The following TMEM132D variants were observed in gnomAD, a reference collection of about 807,000 sequenced individuals.
TMEM132D encodes the protein mature OL transmembrane protein.
TMEM132D carries 21 observed loss-of-function variants against 62.3 expected under a neutral mutation model. That is an observed-to-expected ratio of 0.34 (90% CI 0.24 to 0.49). The LOEUF (loss-of-function observed/expected upper bound fraction) is 0.49, where lower values mean the gene tolerates loss of function less well. Among genes scored for constraint, TMEM132D ranks in the 20% least tolerant of loss-of-function variants. TMEM132D has a pLI of 0.99. For missense variants in TMEM132D, 1,346 were observed against 1,402.8 expected (o/e 0.96, Z 0.65); for synonymous variants, 621 against 575.6 (o/e 1.08, Z -1.13).
intron 5 of TMEM132D, among the ~76,000 whole-genome samples, chr12:129,190,586 G>A (rs1205580891): frequency 2.0e-5 from 3 of 146,656 alleles, no homozygotes; most frequent in Non-Finnish European, 3.0e-5. Flanking sequence ...GGAGGGAGGG[G>A]GTCTGGGGCC....
chr12:129,577,000 A>G (rs966174238), intron 2 of TMEM132D, among the ~76,000 whole-genome samples: 1 of 151,826 alleles, frequency 6.6e-6, no homozygotes, highest in Non-Finnish European at 1.5e-5. Context: ...GCACATCCCA[A>G]GCAGTTCACC....
rs1881340916 is a variant in TMEM132D, at chr12:129,700,019, G to A, written c.759C>T (p.Gly253=). Reference sequence around the variant, plus strand: ...GCCCGGACTCATCGATGTCACTGTGGCCTGTCCGGATCCCATTGCTTCTCC... The same window carrying A: ...GCCCGGACTCATCGATGTCACTGTGACCTGTCCGGATCCCATTGCTTCTCC... ...DARRSNGIRT[G]HSDIDESGPP... is the part of the protein sequence containing the mutation. The change falls in exon 2 of 9, where the codon GGC becomes GGT. Residue 253 remains glycine, a synonymous_variant. Transcript: ENST00000422113. 2 of 1,613,992 alleles carry A rather than the reference G, an allele frequency of 1.2e-6. No individual in the cohort carries two copies.
At chr12:129,885,214 G>A (rs1218902965) in intron 1 of TMEM132D, among the ~76,000 whole-genome samples, 1 of 152,194 alleles carries the variant, frequency 6.6e-6, no homozygotes, top group Non-Finnish European at 1.5e-5. Context: ...CAGACCATAT[G>A]TATTTCTCAA....
At chr12:129,130,914 T>C (rs895492539) in intron 5 of TMEM132D, among the ~76,000 whole-genome samples, 4 of 152,206 alleles carry the variant, frequency 2.6e-5, no homozygotes, top group Non-Finnish European at 5.9e-5. Flanking sequence ...TGGGATTGTC[T>C]GGGGAGCTTT....
chr12:129,669,164 T>G (rs1783630041), intron 2 of TMEM132D, among the ~76,000 whole-genome samples: 1 of 152,198 alleles, frequency 6.6e-6, no homozygotes, highest in African/African-American at 2.4e-5. Context: ...CTTGCTACAT[T>G]TTATGTAAAT....
intron 1 of TMEM132D, among the ~76,000 whole-genome samples, chr12:129,859,066 G>A (rs553793133): frequency 1.9e-4 from 28 of 150,900 alleles, no homozygotes; most frequent in African/African-American, 6.1e-4. Context: ...AACGGAGTCC[G>A]GGGGAACGGG....
chr12:129,690,394 AAGAG>A (rs1455056252), intron 2 of TMEM132D, among the ~76,000 whole-genome samples: 1 of 152,178 alleles, frequency 6.6e-6, no homozygotes, highest in Non-Finnish European at 1.5e-5. Context: ...TACCAATTAA[AAGAG>A]AGAGATTGTC....
intron 5 of TMEM132D, among the ~76,000 whole-genome samples, chr12:129,146,314 A>G (rs11060159): frequency 6.6e-6 from 1 of 152,054 alleles, no homozygotes; most frequent in Non-Finnish European, 1.5e-5. Context: ...TATCTTTCAC[A>G]TCCTTTTTTC....
At chr12:129,254,764 C>T (rs1371868139) in intron 4 of TMEM132D, among the ~76,000 whole-genome samples, 1 of 152,148 alleles carries the variant, frequency 6.6e-6, no homozygotes, top group Non-Finnish European at 1.5e-5. Context: ...CCCCCATAGC[C>T]TCATCCTCTT....
At chr12:129,615,875 C>T (rs1878903076) in intron 2 of TMEM132D, among the ~76,000 whole-genome samples, 2 of 151,980 alleles carry the variant, frequency 1.3e-5, no homozygotes, top group African/African-American at 2.4e-5. Flanking sequence ...AGACTTGCTA[C>T]CCCCGTCCCA....
At chr12:129,403,320 C>G (rs549302022) in intron 3 of TMEM132D, among the ~76,000 whole-genome samples, 1 of 148,946 alleles carries the variant, frequency 6.7e-6, no homozygotes, top group South Asian at 2.2e-4. Flanking sequence ...CCAGGCATGT[C>G]TCACTTAGGA....
intron 2 of TMEM132D, among the ~76,000 whole-genome samples, chr12:129,567,304 C>G (rs565724000): frequency 6.6e-6 from 1 of 152,274 alleles, no homozygotes; most frequent in African/African-American, 2.4e-5. Context: ...ATTACCAATT[C>G]ATGATATTAT....
In TMEM132D at chr12:129,902,745, GC is replaced by G. The variant is rs138054360; in HGVS notation, c.79+515del. 6.2e-3 allele frequency among the ~76,000 whole-genome samples: 940 copies of G among 151,992 alleles called. 7 individuals carry two copies. Among genetic ancestry groups the G allele is most frequent in the African/African-American group, 0.022 (909 of 41,392 alleles). On this transcript the variant is annotated intron_variant, in intron 1 of 8. Coordinates refer to ENST00000422113, the MANE Select transcript of TMEM132D (RefSeq NM_133448.3). ...AAACCCATCCCCCTTCTTCAGAGCCGCCCCCCAGGCTATATTTTTGGCAGCC... is the reference window on the plus strand; with the variant it reads ...AAACCCATCCCCCTTCTTCAGAGCCGCCCCCAGGCTATATTTTTGGCAGCC...
intron 3 of TMEM132D, among the ~76,000 whole-genome samples, chr12:129,393,688 C>T (rs942138176): frequency 7.2e-5 from 11 of 152,146 alleles, no homozygotes; most frequent in Non-Finnish European, 1.5e-4. Flanking sequence ...GAGTGGCTTC[C>T]GCTCATGAAG....
At chr12:129,166,680 T>TACACACACACACACAC (rs1488503458) in intron 5 of TMEM132D, among the ~76,000 whole-genome samples, 1 of 76,298 alleles carries the variant, frequency 1.3e-5, no homozygotes, top group African/African-American at 4.0e-5. Flanking sequence ...AGGACATATA[T>TACACACACACACACAC]ATACACATAC....
chr12:129,822,703 C>T lies in TMEM132D; in HGVS notation c.79+80558G>A, dbSNP rs1010688145. 8.5e-5 allele frequency among the ~76,000 whole-genome samples: 13 copies of T among 152,294 alleles called. No individual in the cohort carries two copies. The East Asian group carries it at 1.2e-3, about 14-fold the overall frequency. Reference sequence around the variant, plus strand: ...TGGCGGAAGGCACCTTCTCACAGGGCGGCAGGAGACAGAATGAGTGCCGAG... The same window carrying T: ...TGGCGGAAGGCACCTTCTCACAGGGTGGCAGGAGACAGAATGAGTGCCGAG... On this transcript the variant is annotated intron_variant, in intron 1 of 8. Coordinates refer to ENST00000422113, the MANE Select transcript of TMEM132D (RefSeq NM_133448.3).
At chr12:129,223,696 C>T (rs1253761240) in intron 4 of TMEM132D, among the ~76,000 whole-genome samples, 4 of 152,334 alleles carry the variant, frequency 2.6e-5, no homozygotes, top group African/African-American at 9.6e-5. Flanking sequence ...GCTAAAGCTC[C>T]TCTTTGGTTC....
intron 3 of TMEM132D, among the ~76,000 whole-genome samples, chr12:129,449,072 TTTTTC>T (rs1873189745): frequency 6.6e-6 from 1 of 152,132 alleles, no homozygotes; most frequent in Non-Finnish European, 1.5e-5. Flanking sequence ...TTCTTGTTTG[TTTTTC>T]TTTTATCTTC....
intron 4 of TMEM132D, among the ~76,000 whole-genome samples, chr12:129,271,672 G>C (rs961528281): frequency 6.6e-6 from 1 of 151,642 alleles, no homozygotes; most frequent in African/African-American, 2.4e-5. Context: ...TTGGTGTTCT[G>C]TTTCTGTGTT....
Sources: gnomAD v4.1 joint callset for allele counts (sites outside exome capture counted in the v4.1 genomes callset) on GRCh38, gnomAD v4.1.1 for gene constraint, MANE v1.5 for transcripts, NCBI Gene and HGNC (gene_info 2026-07-23, HGNC 2026-07-21) for gene names.